AFAP1: variants seen among roughly 807,000 people sequenced by gnomAD.
The protein encoded by AFAP1 is actin filament associated protein 1.
A neutral mutation model predicts 93.9 loss-of-function variants in AFAP1; 75 were observed. The observed-to-expected ratio is 0.80, with a 90% CI of 0.66 to 0.97. The LOEUF (loss-of-function observed/expected upper bound fraction) is 0.97. AFAP1 is among the 50% of genes least tolerant of loss of function. AFAP1 has a pLI of 0.00. For synonymous variants in AFAP1, 517 were observed against 430.7 expected (o/e 1.20, Z -2.48); for missense variants, 1,201 against 1,050.8 (o/e 1.14, Z -1.98).
At chr4:7,794,855 A>T (rs1456182428) in intron 10 of AFAP1, among the ~76,000 whole-genome samples, 2 of 152,144 alleles carry the variant, frequency 1.3e-5, no homozygotes, top group African/African-American at 4.8e-5. Context: ...TGATTTAGAA[A>T]ATCAGTTACA....
intron 2 of AFAP1, among the ~76,000 whole-genome samples, chr4:7,869,843 A>G (rs1306070692): frequency 2.3e-5 from 1 of 42,942 alleles, no homozygotes; most frequent in African/African-American, 6.0e-5. Context: ...GGAAAAGGAT[A>G]AATGACACAC....
intron 4 of AFAP1, among the ~76,000 whole-genome samples, chr4:7,854,046 A>G (rs1714757859): frequency 6.6e-6 from 1 of 152,190 alleles, no homozygotes. Flanking sequence ...TCCAGCCTTG[A>G]AAGTACACTG....
chr4:7,781,546 C>G lies in AFAP1; in HGVS notation c.1612G>C (p.Asp538His), dbSNP rs181537817. Residue 538 changes from aspartate (D) to histidine (H), a missense_variant, in exon 13 of 18, where the codon GAT becomes CAT. Physicochemically the swap from Asp to His is moderately conservative, Grantham distance 81. Coordinates refer to ENST00000420658, the MANE Select transcript of AFAP1 (RefSeq NM_001134647.2). ...AAGATGTGCGGAGGCGGCAAGTTAT[C>G]GTACAGGCCTGCGTTATCATAAAGC... ...EVLYDNAGLY[D>H]NLPPPHIFAR... is the part of the protein sequence containing the mutation. 6.4e-7 allele frequency: 1 copy of G among 1,551,898 alleles called. No individual in the cohort carries two copies. The highest frequency in any genetic ancestry group is 1.4e-5 in the African/African-American group (1 of 73,020).
intron 14 of AFAP1, chr4:7,777,434 C>G (rs926252772): frequency 2.0e-5 from 3 of 152,232 alleles, no homozygotes; most frequent in African/African-American, 7.2e-5. Context: ...GGAGCGATTT[C>G]AAGCCTCGTT....
chr4:7,918,895 C>T (rs59524238), intron 1 of AFAP1, among the ~76,000 whole-genome samples: 1 of 146,796 alleles, frequency 6.8e-6, no homozygotes, highest in East Asian at 2.0e-4. Context: ...AAGAGACACT[C>T]GGCCCAGGTC....
At chr4:7,897,788 T>C (rs1457061061) in intron 1 of AFAP1, among the ~76,000 whole-genome samples, 1 of 152,002 alleles carries the variant, frequency 6.6e-6, no homozygotes, top group Non-Finnish European at 1.5e-5. Flanking sequence ...CCTCCCAAAG[T>C]GCTGGAATAA....
At chr4:7,763,962 C>G (rs538849182) in intron 17 of AFAP1, among the ~76,000 whole-genome samples, 171 bp from the exon 18 acceptor site, 1 of 151,136 alleles carries the variant, frequency 6.6e-6, no homozygotes, top group East Asian at 1.9e-4. Flanking sequence ...ATTCACCTAT[C>G]AGAATGGAGA....
rs1315181358 is a variant in AFAP1, at chr4:7,814,879, A to G, written c.904+1139T>C. ...AAAACTCACCAACAGTATGGCAAAC[A>G]GGGTGAATTTTATGGCATTTAATTT... On this transcript the variant is annotated intron_variant, in intron 8 of 17. Coordinates refer to ENST00000420658, the MANE Select transcript of AFAP1 (RefSeq NM_001134647.2). 2.6e-5 allele frequency among the ~76,000 whole-genome samples: 4 copies of G among 152,330 alleles called. No homozygotes were observed. In the East Asian group the frequency reaches 7.7e-4, roughly 29 times the overall value.
intron 4 of AFAP1, among the ~76,000 whole-genome samples, chr4:7,847,800 G>GC (rs1713910732): frequency 6.7e-6 from 1 of 148,294 alleles, no homozygotes; most frequent in Non-Finnish European, 1.5e-5. Context: ...ACTCGGGGTG[G>GC]GGCATTGATT....
At chr4:7,852,035 C>A (rs566683155) in intron 4 of AFAP1, among the ~76,000 whole-genome samples, 1 of 152,180 alleles carries the variant, frequency 6.6e-6, no homozygotes, top group East Asian at 1.9e-4. Context: ...GACTCCAGCA[C>A]GCTGAAGTCA....
At position 7,857,582 on chromosome 4, in the gene AFAP1, G is replaced by A. The variant is rs1367092456; in HGVS notation, c.226-2008C>T. The stretch of plus-strand genomic sequence containing the variant: ...AGGTCCTTCATATCTTCCTACAGAC[G>A]CAACAGAACCTGATACATGGGGCCC... On this transcript the variant is annotated intron_variant, in intron 3 of 17. Coordinates refer to ENST00000420658, the MANE Select transcript of AFAP1 (RefSeq NM_001134647.2). 5.3e-5 allele frequency among the ~76,000 whole-genome samples: 8 copies of A among 152,124 alleles called. 1 individual carries two copies. The highest frequency in any genetic ancestry group is 4.6e-4 in the Admixed American group (7 of 15,268).
chr4:7,859,489 G>A (rs1715434259), intron 3 of AFAP1, among the ~76,000 whole-genome samples: 1 of 152,088 alleles, frequency 6.6e-6, no homozygotes, highest in Non-Finnish European at 1.5e-5. Flanking sequence ...AGAAGTATGA[G>A]AAACTACCCT....
At chr4:7,842,194 A>C (rs1028312816) in intron 5 of AFAP1, among the ~76,000 whole-genome samples, 1 of 151,384 alleles carries the variant, frequency 6.6e-6, no homozygotes, top group East Asian at 1.9e-4. Context: ...AAAAATATGT[A>C]CTCTGTTTTA....
At chr4:7,873,791 A>C (rs1398327435) in intron 1 of AFAP1, among the ~76,000 whole-genome samples, 1 of 152,176 alleles carries the variant, frequency 6.6e-6, no homozygotes, top group Non-Finnish European at 1.5e-5. Context: ...CTTGTTGCAC[A>C]CAGCACTATC....
intron 1 of AFAP1, among the ~76,000 whole-genome samples, chr4:7,888,057 C>A (rs1718233819): frequency 6.6e-6 from 1 of 152,056 alleles, no homozygotes; most frequent in Non-Finnish European, 1.5e-5. Flanking sequence ...TCATTCCTGG[C>A]CTCAAGTTAT....
intron 1 of AFAP1, among the ~76,000 whole-genome samples, chr4:7,893,149 A>G (rs968731977): frequency 6.6e-6 from 1 of 152,200 alleles, no homozygotes; most frequent in Non-Finnish European, 1.5e-5. Context: ...ATGGCTTTTT[A>G]CACTATTCCA....
At chr4:7,813,125 C>T (rs902983879) in intron 8 of AFAP1, among the ~76,000 whole-genome samples, 6 of 152,098 alleles carry the variant, frequency 3.9e-5, no homozygotes, top group Admixed American at 2.0e-4. Context: ...ATCTGAGATT[C>T]TAACACTAAG....
chr4:7,794,345 AT>A (rs1179052716), intron 10 of AFAP1, among the ~76,000 whole-genome samples: 2 of 152,158 alleles, frequency 1.3e-5, no homozygotes, highest in Non-Finnish European at 2.9e-5. Context: ...TAAAAAAGTA[AT>A]TTCCTTTGAT....
intron 4 of AFAP1, among the ~76,000 whole-genome samples, chr4:7,851,264 C>T (rs778216760): frequency 6.6e-6 from 1 of 152,170 alleles, no homozygotes; most frequent in African/African-American, 2.4e-5. Context: ...GGCCCACAGT[C>T]TCTCTGACCC....
Sources: gnomAD v4.1 joint callset for allele counts (sites outside exome capture counted in the v4.1 genomes callset) on GRCh38, gnomAD v4.1.1 for gene constraint, MANE v1.5 for transcripts, NCBI Gene and HGNC (gene_info 2026-07-23, HGNC 2026-07-21) for gene names.